Variants in SCHIP1 observed in about 807,000 individuals in gnomAD.
SCHIP1 encodes schwannomin-interacting protein 1.
Under a neutral mutation model 29.7 loss-of-function variants are expected in SCHIP1, and 8 were observed. The ratio of observed to expected loss-of-function variants is 0.27; its 90% CI spans 0.16 to 0.49. The LOEUF (loss-of-function observed/expected upper bound fraction) is 0.49. Among genes scored for constraint, SCHIP1 ranks in the 20% least tolerant of loss-of-function variants. SCHIP1 has a pLI of 0.99. For synonymous variants in SCHIP1, 76 were observed against 94.9 expected (o/e 0.80, Z 1.16); for missense variants, 193 against 294.6 (o/e 0.66, Z 2.52).
the SCHIP1 span, among the ~76,000 whole-genome samples, chr3:159,685,398 GAAC>G: frequency 6.6e-6 from 1 of 152,052 alleles, no homozygotes; most frequent in African/African-American, 2.4e-5. Flanking sequence ...AAACAATTAT[GAAC>G]AACATTTTCT....
chr3:159,800,602 C>T, the SCHIP1 span, among the ~76,000 whole-genome samples: 1 of 152,170 alleles, frequency 6.6e-6, no homozygotes, highest in Admixed American at 6.5e-5. Flanking sequence ...CAGTGATTCT[C>T]CACATGGGGC....
At chr3:159,404,396 G>A in the SCHIP1 span, among the ~76,000 whole-genome samples, 1 of 152,136 alleles carries the variant, frequency 6.6e-6, no homozygotes, top group African/African-American at 2.4e-5. Context: ...AGGTCAGAGA[G>A]GAGCCCACTG....
chr3:159,496,615 G>A, the SCHIP1 span, among the ~76,000 whole-genome samples: 2 of 152,312 alleles, frequency 1.3e-5, no homozygotes, highest in African/African-American at 4.8e-5. Context: ...ACAGGTGCTG[G>A]AGAGGATGTG....
the SCHIP1 span, among the ~76,000 whole-genome samples, chr3:159,468,720 A>T: frequency 3.5e-5 from 5 of 143,110 alleles, no homozygotes; most frequent in East Asian, 2.0e-4. Context: ...CGAGTGTTTT[A>T]TATATATATA....
At chr3:159,649,676 T>C in the SCHIP1 span, among the ~76,000 whole-genome samples, 1 of 152,152 alleles carries the variant, frequency 6.6e-6, no homozygotes, top group Non-Finnish European at 1.5e-5. Context: ...AAAATGTAAA[T>C]TGAACAAAAT....
chr3:159,853,490 A>G (rs1265807511), intron 1 of SCHIP1: 2 of 676,818 alleles, frequency 3.0e-6, no homozygotes, highest in South Asian at 3.2e-5. Flanking sequence ...TTTATAAACA[A>G]TTGAACCATT....
the SCHIP1 span, among the ~76,000 whole-genome samples, chr3:159,456,119 A>T: frequency 6.6e-6 from 1 of 152,204 alleles, no homozygotes; most frequent in East Asian, 1.9e-4. Context: ...CCAGTTTAGG[A>T]TGACTGATCA....
chr3:159,428,880 G>C, the SCHIP1 span, among the ~76,000 whole-genome samples: 5 of 152,184 alleles, frequency 3.3e-5, no homozygotes, highest in Non-Finnish European at 7.3e-5. Flanking sequence ...AAAGTGATGA[G>C]TTCATGTCCT....
At chr3:159,739,758 C>T in the SCHIP1 span, among the ~76,000 whole-genome samples, 1 of 152,166 alleles carries the variant, frequency 6.6e-6, no homozygotes. Context: ...GACAAAATTA[C>T]TTGTGCTTCT....
At chr3:159,839,411 C>T (rs2109008822), upstream of SCHIP1, among the ~76,000 whole-genome samples, 1 of 151,954 alleles carries the variant, frequency 6.6e-6, no homozygotes, top group South Asian at 2.1e-4. Context: ...TATCTTATTT[C>T]TATTTGACTT....
At chr3:159,530,323 C>T in the SCHIP1 span, among the ~76,000 whole-genome samples, 1 of 152,148 alleles carries the variant, frequency 6.6e-6, no homozygotes, top group Non-Finnish European at 1.5e-5. Context: ...GCTCTCTCTT[C>T]ACAATACCTG....
At chr3:159,580,674 G>C in the SCHIP1 span, among the ~76,000 whole-genome samples, 1 of 152,202 alleles carries the variant, frequency 6.6e-6, no homozygotes, top group African/African-American at 2.4e-5. Context: ...CACAGCCTCA[G>C]AAGACAGTAC....
At chr3:159,438,896 G>A in the SCHIP1 span, among the ~76,000 whole-genome samples, 2 of 152,054 alleles carry the variant, frequency 1.3e-5, no homozygotes, top group African/African-American at 4.8e-5. Flanking sequence ...ATCACTGATG[G>A]GCATTTATGT....
chr3:159,530,760 G>A, the SCHIP1 span, among the ~76,000 whole-genome samples: 1 of 152,148 alleles, frequency 6.6e-6, no homozygotes, highest in South Asian at 2.1e-4. Flanking sequence ...GCCCTTTCAT[G>A]TGTATGCCCT....
the SCHIP1 span, among the ~76,000 whole-genome samples, chr3:159,695,385 C>A: frequency 1.3e-5 from 2 of 152,184 alleles, no homozygotes; most frequent in Admixed American, 1.3e-4. Context: ...TCCCTACTCT[C>A]TTCTTGCATT....
the SCHIP1 span, among the ~76,000 whole-genome samples, chr3:159,579,610 G>A: frequency 6.6e-6 from 1 of 152,158 alleles, no homozygotes; most frequent in Non-Finnish European, 1.5e-5. Context: ...TGATACTAAG[G>A]AGTTGAGAGG....
chr3:159,696,903 GGGCACT>G, the SCHIP1 span, among the ~76,000 whole-genome samples: 2 of 152,204 alleles, frequency 1.3e-5, no homozygotes, highest in Admixed American at 6.5e-5. Context: ...GAGAAAGGTA[GGGCACT>G]GGCAAGACAG....
At chr3:159,630,862 T>C in the SCHIP1 span, among the ~76,000 whole-genome samples, 1 of 152,138 alleles carries the variant, frequency 6.6e-6, no homozygotes, top group Non-Finnish European at 1.5e-5. Flanking sequence ...CCCAAAAGCC[T>C]ATTGAAATAA....
At chr3:159,465,340 T>TG in the SCHIP1 span, among the ~76,000 whole-genome samples, 69 of 151,014 alleles carry the variant, frequency 4.6e-4, no homozygotes, top group Admixed American at 8.0e-4. Context: ...TGTGTGTGTG[T>TG]TTGTGTGCGT....
Sources: allele counts gnomAD v4.1 joint callset (sites outside exome capture counted in the v4.1 genomes callset), GRCh38; gene constraint gnomAD v4.1.1; transcripts MANE v1.5; gene names NCBI Gene and HGNC (gene_info 2026-07-23, HGNC 2026-07-21).